The following FABP3 variants were observed in gnomAD, a reference collection of about 807,000 sequenced individuals.
The protein encoded by FABP3 is fatty acid binding protein 3, also known as fatty acid-binding protein, heart.
FABP3 carries 8 observed loss-of-function variants against 13.4 expected under a neutral mutation model. The observed-to-expected ratio is 0.60, with a 90% CI of 0.35 to 1.07. The LOEUF is 1.07. Among genes scored for constraint, FABP3 ranks in the 50% least tolerant of loss-of-function variants. The pLI is 0.02. For synonymous variants in FABP3, 64 were observed against 60.0 expected (o/e 1.07, Z -0.31); for missense variants, 135 against 164.7 (o/e 0.82, Z 0.99).
Position 31,368,638 on chromosome 1 carries a change from A to G in FABP3, c.246+747T>C, listed in dbSNP as rs1345787252. ...ACACTGCTATAGGGACACCCTATAG[A>G]GGTCAAAGCCCTTAAGTTCTCTCGC... is the stretch of plus-strand genomic sequence containing the variant. On this transcript the variant is annotated intron_variant, in intron 2 of 3. Coordinates refer to ENST00000373713, the MANE Select transcript of FABP3 (RefSeq NM_004102.5). Among the ~76,000 whole-genome samples, 4 of 152,320 alleles carry G rather than the reference A, an allele frequency of 2.6e-5. No homozygotes were observed. The East Asian group carries it at 5.8e-4, about 22-fold the overall frequency.
intron 3 of FABP3, among the ~76,000 whole-genome samples, chr1:31,366,885 A>G (rs553130368): frequency 6.6e-6 from 1 of 152,322 alleles, no homozygotes; most frequent in African/African-American, 2.4e-5. Flanking sequence ...CCTGCAAGTG[A>G]CAATGCAGTC....
chr1:31,366,640 T>A (rs943581703), intron 3 of FABP3, among the ~76,000 whole-genome samples: 1 of 152,180 alleles, frequency 6.6e-6, no homozygotes, highest in Admixed American at 6.5e-5. Context: ...TTAGGCAGAA[T>A]CCACAGTTGG....
downstream of FABP3, among the ~76,000 whole-genome samples, chr1:31,360,495 CTTTTG>C (rs1388281316): frequency 2.6e-5 from 4 of 152,192 alleles, no homozygotes; most frequent in African/African-American, 9.6e-5. Flanking sequence ...TGTGATTGTT[CTTTTG>C]TTCTGTAGCT....
chr1:31,364,242 T>G (rs12139997), downstream of FABP3: 16 of 1,570,268 alleles, frequency 1.0e-5, no homozygotes, highest in East Asian at 3.5e-4. Flanking sequence ...CCAGGAGCCT[T>G]GTGCCTTGAG....
downstream of FABP3, among the ~76,000 whole-genome samples, chr1:31,363,207 G>A (rs765440166): frequency 2.1e-5 from 3 of 141,244 alleles, no homozygotes; most frequent in African/African-American, 5.3e-5. Flanking sequence ...TTTTTGAGAC[G>A]GAGTCTCGCT....
intron 2 of FABP3, among the ~76,000 whole-genome samples, chr1:31,368,389 A>G (rs567911672): frequency 5.3e-5 from 8 of 152,160 alleles, no homozygotes; most frequent in African/African-American, 1.9e-4. Context: ...GGCATTCCAC[A>G]GGGCTATTGT....
intron 2 of FABP3, among the ~76,000 whole-genome samples, chr1:31,368,634 A>G (rs994506527): frequency 6.6e-6 from 1 of 152,218 alleles, no homozygotes; most frequent in Middle Eastern, 3.2e-3. Context: ...GGGACACCCT[A>G]TAGAGGTCAA....
chr1:31,372,976 G>A lies in FABP3; in HGVS notation c.39C>T (p.Asp13=). ...TCATGTAGTCATCGAAATTCTTGCT[G>A]TCCACTAGCTTCCAGGTGCCCAGGA... is the stretch of plus-strand genomic sequence containing the variant. ...DAFLGTWKLV[D]SKNFDDYMKS... The change falls in exon 1 of 4, where the codon GAC becomes GAT. Residue 13 remains aspartate, a synonymous_variant. Transcript: ENST00000373713. 2 of 1,613,984 alleles carry A rather than the reference G, an allele frequency of 1.2e-6. No homozygotes were observed. The highest frequency in any genetic ancestry group is 1.7e-6 in the Non-Finnish European group (2 of 1,180,044).
intron 1 of FABP3, among the ~76,000 whole-genome samples, chr1:31,371,736 C>T (rs761535171): frequency 6.6e-5 from 10 of 152,120 alleles, no homozygotes; most frequent in Non-Finnish European, 1.3e-4. Context: ...GGGCTGTGTT[C>T]GTGGGGGCTG....
intron 1 of FABP3, among the ~76,000 whole-genome samples, chr1:31,369,832 G>T (rs1420923966): frequency 6.6e-6 from 1 of 152,202 alleles, no homozygotes; most frequent in Non-Finnish European, 1.5e-5. Context: ...ATTGGGCCAA[G>T]TGTGGTGGCT....
chr1:31,369,974 A>G (rs1640178460), intron 1 of FABP3, among the ~76,000 whole-genome samples: 1 of 152,004 alleles, frequency 6.6e-6, no homozygotes, highest in African/African-American at 2.4e-5. Context: ...ATGTGGTGGT[A>G]TGTGCCTGTA....
At position 31,372,327 on chromosome 1, in the gene FABP3, T is replaced by G. The variant is rs900391583; in HGVS notation, c.73+615A>C. ...AGGCTCACAGACAGTGATGAAGGCC[T>G]GGATACATAGACTGCAGGACAAGGT... is the stretch of plus-strand genomic sequence containing the variant. On this transcript the variant is annotated intron_variant, in intron 1 of 3. Coordinates refer to ENST00000373713, the MANE Select transcript of FABP3 (RefSeq NM_004102.5). Among the ~76,000 whole-genome samples, 9 of 152,242 alleles carry G rather than the reference T, an allele frequency of 5.9e-5. No individual in the cohort carries two copies. In the East Asian group the frequency reaches 1.5e-3, roughly 26 times the overall value.
At chr1:31,360,407 G>C (rs1408133468), downstream of FABP3, among the ~76,000 whole-genome samples, 1 of 152,234 alleles carries the variant, frequency 6.6e-6, no homozygotes, top group African/African-American at 2.4e-5. Flanking sequence ...GACCTCAGGT[G>C]ATCCACCCAC....
At chr1:31,360,911 A>G (rs1639862380), downstream of FABP3, among the ~76,000 whole-genome samples, 1 of 152,172 alleles carries the variant, frequency 6.6e-6, no homozygotes, top group Non-Finnish European at 1.5e-5. Context: ...AGCTTGATAA[A>G]CTAAAGCACT....
chr1:31,369,752 A>G (rs773113876), intron 1 of FABP3, among the ~76,000 whole-genome samples, 195 bp from the exon 2 acceptor site: 1 of 152,168 alleles, frequency 6.6e-6, no homozygotes, highest in Non-Finnish European at 1.5e-5. Flanking sequence ...ATCCCATTAG[A>G]TGAGAGATAC....
chr1:31,362,786 G>T (rs1322870825), downstream of FABP3, among the ~76,000 whole-genome samples: 1 of 152,104 alleles, frequency 6.6e-6, no homozygotes, highest in African/African-American at 2.4e-5. Flanking sequence ...AGACTGGCTA[G>T]TCTTTAGGGG....
At chr1:31,371,604 A>C (rs1399904425) in intron 1 of FABP3, among the ~76,000 whole-genome samples, 1 of 152,174 alleles carries the variant, frequency 6.6e-6, no homozygotes, top group Non-Finnish European at 1.5e-5. Flanking sequence ...CGCTGACCCA[A>C]CTCGGGGCAG....
chr1:31,366,098 G>A (rs1242332563), intron 3 of FABP3, among the ~76,000 whole-genome samples, 159 bp from the exon 4 acceptor site: 3 of 128,970 alleles, frequency 2.3e-5, no homozygotes, highest in African/African-American at 6.0e-5. Flanking sequence ...GTGTGTGTGT[G>A]TATACATACA....
At position 31,365,442 on chromosome 1, in the gene FABP3, G is replaced by T. The variant is rs1640084988; in HGVS notation, c.*444C>A. Among the ~76,000 whole-genome samples, 1 of 152,142 alleles carries T rather than the reference G, an allele frequency of 6.6e-6. No homozygotes were observed. The highest frequency in any genetic ancestry group is 6.5e-5 in the Admixed American group (1 of 15,272). ...CTAGGTCATTTGACCATGGAGGGGG[G>T]GCAGTGTAAAGGCAACGTGTAGGTA... On this transcript the variant is annotated 3_prime_UTR_variant, in exon 4 of 4. Coordinates refer to ENST00000373713, the MANE Select transcript of FABP3 (RefSeq NM_004102.5).
Sources: allele counts gnomAD v4.1 joint callset (sites outside exome capture counted in the v4.1 genomes callset), GRCh38; gene constraint gnomAD v4.1.1; transcripts MANE v1.5; gene names NCBI Gene and HGNC (gene_info 2026-07-23, HGNC 2026-07-21).